The following IP6K1 variants were observed in gnomAD, a reference collection of about 807,000 sequenced individuals.
IP6K1 encodes the protein ATP:1D-myo-inositol-hexakisphosphate phosphotransferase.
IP6K1 carries 13 observed loss-of-function variants against 38.3 expected under a neutral mutation model. The ratio of observed to expected loss-of-function variants is 0.34; its 90% CI spans 0.22 to 0.54. The LOEUF is 0.54. Among genes scored for constraint, IP6K1 ranks in the 20% least tolerant of loss-of-function variants. IP6K1 has a pLI of 0.92. For missense variants in IP6K1, 397 were observed against 599.8 expected, an observed-to-expected ratio of 0.66 and a Z score of 3.53; for synonymous variants, 212 against 229.9, an observed-to-expected ratio of 0.92 and a Z score of 0.70.
At position 49,747,920 on chromosome 3, in the gene IP6K1, G is replaced by A. The variant is rs1359739943; in HGVS notation, c.121C>T (p.Arg41Cys). 2 of 1,614,182 alleles carry A rather than the reference G, an allele frequency of 1.2e-6. No individual in the cohort carries two copies. The highest frequency in any genetic ancestry group is 1.1e-5 in the South Asian group (1 of 91,086). Residue 41 changes from arginine (R) to cysteine (C), a missense_variant, in exon 2 of 6, where the codon CGT becomes TGT. By Grantham distance (180) the Arg-to-Cys change is radical. Transcript: ENST00000321599. ...HQVGGHSSMM[R>C]YDDHTVCKPL... Reference sequence around the variant, plus strand: ...TTGCACACAGTGTGATCGTCGTAACGCATCATGCTGCTGTGTCCGCCTACT... The same window carrying A: ...TTGCACACAGTGTGATCGTCGTAACACATCATGCTGCTGTGTCCGCCTACT...
At chr3:49,765,036 A>C (rs2080899832) in intron 1 of IP6K1, among the ~76,000 whole-genome samples, 1 of 152,204 alleles carries the variant, frequency 6.6e-6, no homozygotes, top group Non-Finnish European at 1.5e-5. Context: ...CCTCAAGTAC[A>C]AAAGATCCTA....
At chr3:49,783,929 G>A (rs116238056) in intron 1 of IP6K1, among the ~76,000 whole-genome samples, 3,152 of 152,092 alleles carry the variant, frequency 0.021, 57 homozygotes, top group African/African-American at 0.034. Context: ...AGCTGCCAGC[G>A]TCCTCTGGGT....
chr3:49,726,299 A>C lies in IP6K1; in HGVS notation c.*823T>G, dbSNP rs2080501251. ...CAGCTGCCGAAACTTGAGGAAGAAG[A>C]CTCCCACCCATAGCACAAGAACTGC... is the stretch of plus-strand genomic sequence containing the variant. On this transcript the variant is annotated 3_prime_UTR_variant, in exon 6 of 6. Coordinates refer to ENST00000321599, the MANE Select transcript of IP6K1 (RefSeq NM_153273.4). 1 of 152,804 alleles carries C rather than the reference A, an allele frequency of 6.5e-6. No homozygotes were observed. The highest frequency in any genetic ancestry group is 1.5e-5 in the Non-Finnish European group (1 of 68,234). 9.5% of individuals were successfully genotyped at this position (152,804 alleles called of 1,614,324 possible).
At chr3:49,728,756 T>C (rs2080535694) in intron 4 of IP6K1, among the ~76,000 whole-genome samples, 2 of 152,056 alleles carry the variant, frequency 1.3e-5, no homozygotes, top group Non-Finnish European at 2.9e-5. Context: ...TTTGTATTTT[T>C]AGTAGAGACA....
chr3:49,768,964 TA>T (rs1194987611), intron 1 of IP6K1, among the ~76,000 whole-genome samples: 1 of 152,126 alleles, frequency 6.6e-6, no homozygotes, highest in African/African-American at 2.4e-5. Flanking sequence ...TCAAAATAGT[TA>T]AAATTCTACA....
chr3:49,747,494 C>T (rs942655062), intron 2 of IP6K1, among the ~76,000 whole-genome samples: 5 of 152,114 alleles, frequency 3.3e-5, no homozygotes, highest in African/African-American at 1.2e-4. Flanking sequence ...ATTCCGCCTC[C>T]GGGACGAGAG....
At chr3:49,755,406 T>C (rs754015016) in intron 1 of IP6K1, among the ~76,000 whole-genome samples, 1 of 152,198 alleles carries the variant, frequency 6.6e-6, no homozygotes, top group Non-Finnish European at 1.5e-5. Context: ...ATAGGTACCA[T>C]GACAAAGTAT....
intron 1 of IP6K1, among the ~76,000 whole-genome samples, chr3:49,784,274 G>A (rs1368806063): frequency 2.0e-5 from 3 of 152,110 alleles, no homozygotes; most frequent in Admixed American, 1.3e-4. Flanking sequence ...TGGGATTACA[G>A]ACATGAGCTA....
chr3:49,749,931 G>T (rs2080758219), intron 1 of IP6K1, among the ~76,000 whole-genome samples: 1 of 151,056 alleles, frequency 6.6e-6, no homozygotes. Context: ...TCTGCCCCAG[G>T]TAGTATTCCT....
At chr3:49,730,553 T>A (rs1202308813) in intron 4 of IP6K1, among the ~76,000 whole-genome samples, 1 of 152,118 alleles carries the variant, frequency 6.6e-6, no homozygotes, top group East Asian at 1.9e-4. Context: ...TACATTTCTT[T>A]TCTTTTTTTT....
At chr3:49,744,357 G>A (rs1019058293) in intron 2 of IP6K1, among the ~76,000 whole-genome samples, 3 of 126,350 alleles carry the variant, frequency 2.4e-5, no homozygotes, top group Non-Finnish European at 1.5e-5. Context: ...AGGCGAGACT[G>A]CGCCACTGCA....
intron 1 of IP6K1, among the ~76,000 whole-genome samples, chr3:49,772,214 T>TA (rs34560942): frequency 0.18 from 25,045 of 139,076 alleles, 2,378 homozygotes; most frequent in Non-Finnish European, 0.22. Flanking sequence ...CCCTTTCCCT[T>TA]AAAAAAAAAA....
intron 1 of IP6K1, among the ~76,000 whole-genome samples, chr3:49,757,316 G>C (rs2080832497): frequency 6.6e-6 from 1 of 152,140 alleles, no homozygotes; most frequent in East Asian, 1.9e-4. Context: ...AGCACAGTGG[G>C]GACAAGTTGA....
chr3:49,744,275 GC>G (rs892757308), intron 2 of IP6K1, among the ~76,000 whole-genome samples: 3 of 151,512 alleles, frequency 2.0e-5, no homozygotes, highest in African/African-American at 7.3e-5. Context: ...GGTGGCGGGA[GC>G]CTGTAGTCCC....
intron 2 of IP6K1, among the ~76,000 whole-genome samples, chr3:49,746,647 C>A (rs1040692300): frequency 6.0e-5 from 9 of 149,106 alleles, no homozygotes; most frequent in Non-Finnish European, 1.0e-4. Context: ...TGCACTCTAG[C>A]CTGGCAACAG....
At chr3:49,786,182 G>C (rs1243261359) in intron 1 of IP6K1, 172 bp downstream of exon 1, 2 of 152,370 alleles carry the variant, frequency 1.3e-5, no homozygotes, top group Admixed American at 6.5e-5. Flanking sequence ...CCCCGGCTTC[G>C]GTGCCAGCAT....
intron 2 of IP6K1, among the ~76,000 whole-genome samples, chr3:49,745,607 C>G (rs1480811952): frequency 6.6e-6 from 1 of 152,174 alleles, no homozygotes; most frequent in Non-Finnish European, 1.5e-5. Flanking sequence ...GTAATCCCAG[C>G]ATTTTGGGAG....
intron 1 of IP6K1, among the ~76,000 whole-genome samples, chr3:49,754,004 T>C (rs1278546435): frequency 6.6e-6 from 1 of 152,108 alleles, no homozygotes; most frequent in African/African-American, 2.4e-5. Context: ...AGACTGTTTT[T>C]ATCAATGATA....
chr3:49,747,548 G>A lies in IP6K1; in HGVS notation c.223+270C>T, dbSNP rs1341927077. 2.6e-5 allele frequency among the ~76,000 whole-genome samples: 4 copies of A among 152,148 alleles called. No individual in the cohort carries two copies. The East Asian group carries it at 5.8e-4, about 22-fold the overall frequency. On this transcript the variant is annotated intron_variant, in intron 2 of 5. Coordinates refer to ENST00000321599, the MANE Select transcript of IP6K1 (RefSeq NM_153273.4). ...CCCAGACTAGTGTCACAGCAAATGG[G>A]AAAATTCACTGACAACAGCATGCTC...
Sources: allele counts gnomAD v4.1 joint callset (sites outside exome capture counted in the v4.1 genomes callset), GRCh38; gene constraint gnomAD v4.1.1; transcripts MANE v1.5; gene names NCBI Gene and HGNC (gene_info 2026-07-23, HGNC 2026-07-21).